Variants in COMMD10 observed in about 807,000 individuals in gnomAD.
COMMD10 encodes the protein COMM domain-containing protein 10.
COMMD10 carries 33 observed loss-of-function variants against 28.9 expected under a neutral mutation model. The ratio of observed to expected loss-of-function variants is 1.14; its 90% confidence interval spans 0.87 to 1.53. COMMD10 has a LOEUF of 1.53. Ranked by LOEUF, COMMD10 falls within the 40% of genes most tolerant of loss-of-function variation. The pLI, the probability that COMMD10 is intolerant of heterozygous loss-of-function variation, is 0.00. For missense variants in COMMD10, 310 were observed against 233.4 expected (o/e 1.33, Z -2.14); for synonymous variants, 110 against 81.7 (o/e 1.35, Z -1.87).
chr5:116,113,682 C>T (rs1751135239), intron 4 of COMMD10, among the ~76,000 whole-genome samples: 1 of 151,882 alleles, frequency 6.6e-6, no homozygotes, highest in African/African-American at 2.4e-5. Flanking sequence ...TCATTCATAT[C>T]CTGAATTGAT....
chr5:116,166,192 A>G (rs116784544), intron 5 of COMMD10, among the ~76,000 whole-genome samples: 4 of 152,138 alleles, frequency 2.6e-5, no homozygotes, highest in African/African-American at 9.7e-5. Context: ...GTTACTGGTC[A>G]TAATTTAAGG....
At chr5:116,188,947 T>G (rs1281188366) in intron 5 of COMMD10, among the ~76,000 whole-genome samples, 2 of 152,216 alleles carry the variant, frequency 1.3e-5, no homozygotes, top group Non-Finnish European at 2.9e-5. Flanking sequence ...TTGTTATTAA[T>G]GAAGGTTGTG....
In COMMD10 at chr5:116,171,305, G is replaced by A. The variant is rs976552812; in HGVS notation, c.510+37127G>A. The stretch of plus-strand genomic sequence containing the variant: ...ACCATCTCACGCCAGTTGGAATGGC[G>A]ATCATTAAAAAGTCAGGAAACACCA... On this transcript the variant is annotated intron_variant, in intron 5 of 6. Coordinates refer to ENST00000274458, the MANE Select transcript of COMMD10 (RefSeq NM_016144.4). 7.2e-5 allele frequency among the ~76,000 whole-genome samples: 11 copies of A among 152,228 alleles called. No homozygotes were observed. The South Asian group carries it at 1.9e-3, about 26-fold the overall frequency.
At chr5:116,110,122 G>A (rs1184752775) in intron 4 of COMMD10, among the ~76,000 whole-genome samples, 1 of 152,110 alleles carries the variant, frequency 6.6e-6, no homozygotes, top group African/African-American at 2.4e-5. Context: ...CAGTCTATTG[G>A]TTTGATCATA....
Position 116,093,872 on chromosome 5 carries a change from T to G in COMMD10, c.399+1172T>G, listed in dbSNP as rs75242016. 3.9e-3 allele frequency among the ~76,000 whole-genome samples: 598 copies of G among 152,260 alleles called. 5 individuals are homozygous for G. The highest frequency in any genetic ancestry group is 0.013 in the African/African-American group (545 of 41,532). The stretch of plus-strand genomic sequence containing the variant: ...CATAAAATACCCAGAAGTAAACCCA[T>G]GTATTTATAGCCAACTGATTTATTA... On this transcript the variant is annotated intron_variant, in intron 4 of 6. Coordinates refer to ENST00000274458, the MANE Select transcript of COMMD10 (RefSeq NM_016144.4).
chr5:116,099,511 A>T (rs1414767140), intron 4 of COMMD10, among the ~76,000 whole-genome samples: 2 of 152,116 alleles, frequency 1.3e-5, no homozygotes, highest in Non-Finnish European at 2.9e-5. Flanking sequence ...TGTTTTAAGG[A>T]ACCTCCATAC....
chr5:116,085,572 A>AT (rs1394586004), intron 1 of COMMD10: 1 of 155,240 alleles, frequency 6.4e-6, no homozygotes, highest in Non-Finnish European at 1.4e-5. Flanking sequence ...AGGGGACCGA[A>AT]TTTTTGGTTG....
At chr5:116,184,074 C>T (rs1454341986) in intron 5 of COMMD10, among the ~76,000 whole-genome samples, 1 of 152,034 alleles carries the variant, frequency 6.6e-6, no homozygotes, top group African/African-American at 2.4e-5. Context: ...GGTCATGATG[C>T]TTTGGGGAAC....
chr5:116,257,635 C>G (rs544508280), intron 5 of COMMD10, among the ~76,000 whole-genome samples: 2 of 151,642 alleles, frequency 1.3e-5, no homozygotes, highest in African/African-American at 4.9e-5. Context: ...AATCATGGTA[C>G]TAGTTTTAAA....
intron 5 of COMMD10, among the ~76,000 whole-genome samples, chr5:116,247,074 C>G (rs1749971587): frequency 6.6e-6 from 1 of 151,158 alleles, no homozygotes; most frequent in Non-Finnish European, 1.5e-5. Flanking sequence ...AACTTTGCAT[C>G]CAACAAAGGT....
chr5:116,256,245 G>A (rs534403028), intron 5 of COMMD10, among the ~76,000 whole-genome samples: 7 of 151,722 alleles, frequency 4.6e-5, no homozygotes, highest in Non-Finnish European at 5.9e-5. Flanking sequence ...ATCACCGTTC[G>A]GACAGATCTT....
intron 5 of COMMD10, among the ~76,000 whole-genome samples, chr5:116,232,559 G>T (rs1414041191): frequency 1.3e-5 from 2 of 151,964 alleles, no homozygotes; most frequent in Non-Finnish European, 2.9e-5. Context: ...AAATTAGCTG[G>T]ACGTGGTAGC....
chr5:116,145,727 C>G (rs1349500992), intron 5 of COMMD10, among the ~76,000 whole-genome samples: 2 of 151,708 alleles, frequency 1.3e-5, no homozygotes, highest in Non-Finnish European at 2.9e-5. Flanking sequence ...GGTGGTTCCC[C>G]CATGCTGTTC....
Position 116,292,542 on chromosome 5 carries a change from AT to A in COMMD10, c.*55del. 6.8e-7 allele frequency: 1 copy of A among 1,473,858 alleles called. No individual in the cohort carries two copies. The highest frequency in any genetic ancestry group is 2.3e-5 in the East Asian group (1 of 43,114). 91.3% of individuals were successfully genotyped at this position (1,473,858 alleles called of 1,614,324 possible). On this transcript the variant is annotated 3_prime_UTR_variant, in exon 7 of 7. Coordinates refer to ENST00000274458, the MANE Select transcript of COMMD10 (RefSeq NM_016144.4). ...CGCTCCTGCCACCTCATTATTTTGC[AT>A]TGAAGATACATTGCCAGGTTGTGTT... is the stretch of plus-strand genomic sequence containing the variant.
At chr5:116,267,313 C>G (rs1050345580) in intron 5 of COMMD10, among the ~76,000 whole-genome samples, 1 of 151,852 alleles carries the variant, frequency 6.6e-6, no homozygotes, top group Non-Finnish European at 1.5e-5. Context: ...AACAGACAAA[C>G]AGAGAGTGAA....
chr5:116,289,172 G>A lies in COMMD10; in HGVS notation c.511-2345G>A, dbSNP rs568635311. Among the ~76,000 whole-genome samples, 11 of 151,740 alleles carry A rather than the reference G, an allele frequency of 7.2e-5. No individual in the cohort carries two copies. In the South Asian group the frequency reaches 1.0e-3, roughly 14 times the overall value. On this transcript the variant is annotated intron_variant, in intron 5 of 6. Coordinates refer to ENST00000274458, the MANE Select transcript of COMMD10 (RefSeq NM_016144.4). ...ACTGGGATTACAGATTTGAGCTACC[G>A]CTCCCAGCCTTCTTTTAGCTCATTA...
chr5:116,153,569 A>C (rs1416973736), intron 5 of COMMD10, among the ~76,000 whole-genome samples: 1 of 152,118 alleles, frequency 6.6e-6, no homozygotes, highest in Non-Finnish European at 1.5e-5. Flanking sequence ...AATATGTGCC[A>C]GGTATTGTTC....
At chr5:116,284,695 A>T (rs576943631) in intron 5 of COMMD10, among the ~76,000 whole-genome samples, 1 of 152,076 alleles carries the variant, frequency 6.6e-6, no homozygotes, top group African/African-American at 2.4e-5. Flanking sequence ...GTCTGTTGTT[A>T]GAGTTGCTAC....
intron 5 of COMMD10, among the ~76,000 whole-genome samples, chr5:116,251,738 A>G (rs867522500): frequency 5.1e-4 from 77 of 151,828 alleles, no homozygotes; most frequent in African/African-American, 1.0e-3. Flanking sequence ...ATTGTGAATA[A>G]TGCCACAATA....
Sources: allele counts gnomAD v4.1 joint callset (sites outside exome capture counted in the v4.1 genomes callset), GRCh38; gene constraint gnomAD v4.1.1; transcripts MANE v1.5; gene names NCBI Gene and HGNC (gene_info 2026-07-23, HGNC 2026-07-21).